SPAG17: variants seen among roughly 807,000 people sequenced by gnomAD.
SPAG17 encodes sperm-associated antigen 17.
In SPAG17, 169 loss-of-function variants were observed where a neutral mutation model predicts 273.6. The observed-to-expected ratio is 0.62, with a 90% CI of 0.55 to 0.70. SPAG17 has a LOEUF of 0.70. Ranked by LOEUF, SPAG17 falls within the 30% of genes least tolerant of loss-of-function variation. The pLI is 0.00. For synonymous variants in SPAG17, 825 were observed against 873.2 expected (o/e 0.94, Z 0.97); for missense variants, 2,557 against 2,627.8 (o/e 0.97, Z 0.59).
intron 21 of SPAG17, 39 bp downstream of exon 21, chr1:118,041,764 T>C: frequency 6.3e-7 from 1 of 1,581,428 alleles, no homozygotes; most frequent in Non-Finnish European, 8.5e-7. Context: ...CAATTAGGAA[T>C]AGCCCAAAGA....
At chr1:117,982,100 C>G (rs1469715080) in intron 42 of SPAG17, among the ~76,000 whole-genome samples, 1 of 152,168 alleles carries the variant, frequency 6.6e-6, no homozygotes. Flanking sequence ...TTCTCCCCAT[C>G]ACATTTATAA....
At chr1:118,119,966 T>G (rs1259871162) in intron 3 of SPAG17, among the ~76,000 whole-genome samples, 2 of 152,208 alleles carry the variant, frequency 1.3e-5, no homozygotes, top group Admixed American at 6.5e-5. Context: ...TAGCATAGTC[T>G]TCTATTGTGT....
In SPAG17 at chr1:118,005,457, T is replaced by G. The variant is rs2101737584; in HGVS notation, c.4733A>C (p.Glu1578Ala). Residue 1578 changes from glutamate (E) to alanine (A), a missense_variant, in exon 32 of 49, where the codon GAG becomes GCG. By Grantham distance (107) the Glu-to-Ala change is moderately radical (BLOSUM62 -1). Coordinates refer to ENST00000336338, the MANE Select transcript of SPAG17 (RefSeq NM_206996.4). ...AGGATCCAGAACCTCACAGATAACCTCTGAAGTATGCCTCATGATGTACCT... is the reference window on the plus strand; with the variant it reads ...AGGATCCAGAACCTCACAGATAACCGCTGAAGTATGCCTCATGATGTACCT... Reference protein sequence around the residue: ...AGRYIMRHTSEVICEVLDPEG... With the variant: ...AGRYIMRHTSAVICEVLDPEG... The G allele has an allele frequency of 6.2e-7, 1 of 1,613,398 alleles. No individual in the cohort carries two copies. Among genetic ancestry groups the G allele is most frequent in the South Asian group, 1.1e-5 (1 of 90,832 alleles).
In SPAG17 at chr1:117,983,904, G is replaced by C. The variant is rs1455614072; in HGVS notation, c.5779C>G (p.Leu1927Val). The change falls in exon 42 of 49, where the codon CTG becomes GTG. Residue 1927 changes from leucine to valine, a missense_variant. Leu to Val is a conservative substitution (Grantham distance 32). Coordinates refer to ENST00000336338, the MANE Select transcript of SPAG17 (RefSeq NM_206996.4). ...NQLYQSQYNH[L>V]DSLSKKLPSF... ...GGCAGTTTTTTGGAAAGACTGTCCA[G>C]GTGATTATACTGAAAGGAAAAAAAA... 2 of 1,604,794 alleles carry C rather than the reference G, an allele frequency of 1.2e-6. No individual in the cohort carries two copies. Among genetic ancestry groups the C allele is most frequent in the Non-Finnish European group, 1.7e-6 (2 of 1,173,296 alleles).
At chr1:118,123,547 T>C (rs972545269) in intron 3 of SPAG17, among the ~76,000 whole-genome samples, 2 of 152,218 alleles carry the variant, frequency 1.3e-5, no homozygotes, top group Non-Finnish European at 2.9e-5. Flanking sequence ...TGGAACGTTA[T>C]GAAAGTGCTC....
chr1:118,033,762 C>T (rs1418266975), intron 24 of SPAG17, among the ~76,000 whole-genome samples: 1 of 152,216 alleles, frequency 6.6e-6, no homozygotes, highest in East Asian at 1.9e-4. Context: ...TGTTTTGACA[C>T]AATTGTGTGT....
intron 28 of SPAG17, among the ~76,000 whole-genome samples, chr1:118,021,243 C>T (rs1470854264): frequency 6.6e-6 from 1 of 151,790 alleles, no homozygotes; most frequent in African/African-American, 2.4e-5. Flanking sequence ...GCTATCAAGC[C>T]ATAAAAAGAC....
chr1:118,150,654 T>C, intron 2 of SPAG17, 25 bp from the exon 3 acceptor site: 3 of 1,314,654 alleles, frequency 2.3e-6, no homozygotes, highest in Non-Finnish European at 2.2e-6. Flanking sequence ...AATTTACTTA[T>C]GATGAAAAAA....
At chr1:118,171,971 G>C (rs1660440145) in intron 1 of SPAG17, among the ~76,000 whole-genome samples, 1 of 152,136 alleles carries the variant, frequency 6.6e-6, no homozygotes, top group South Asian at 2.1e-4. Context: ...AATTAGCCTA[G>C]ATACCCTGGG....
intron 24 of SPAG17, among the ~76,000 whole-genome samples, chr1:118,035,111 C>A (rs919127909): frequency 6.6e-6 from 1 of 151,934 alleles, no homozygotes; most frequent in South Asian, 2.1e-4. Context: ...ATATATGAAT[C>A]CTTAGGAAAT....
chr1:117,957,165 C>A lies in SPAG17; in HGVS notation c.*1-3116G>T, dbSNP rs373284358. ...CATTCAGCTGGGCTCTGATGTTGAACTTATATGCCGGTGCCTCTTCTTCCT... is the reference window on the plus strand; with the variant it reads ...CATTCAGCTGGGCTCTGATGTTGAAATTATATGCCGGTGCCTCTTCTTCCT... On this transcript the variant is annotated intron_variant, in intron 48 of 48. Transcript: ENST00000336338. 6 of 1,612,164 alleles carry A rather than the reference C, an allele frequency of 3.7e-6. No homozygotes were observed. In the South Asian group the frequency reaches 6.6e-5, roughly 18 times the overall value.
intron 47 of SPAG17, chr1:117,964,922 T>A (rs1377768827): frequency 6.6e-6 from 1 of 152,176 alleles, no homozygotes; most frequent in East Asian, 1.9e-4. Flanking sequence ...TTGCCCTGTT[T>A]TGGATATTGC....
At chr1:118,037,714 T>G (rs922039076) in intron 23 of SPAG17, among the ~76,000 whole-genome samples, 1 of 152,206 alleles carries the variant, frequency 6.6e-6, no homozygotes, top group African/African-American at 2.4e-5. Context: ...CCGTAGTGTG[T>G]ATGTACCACA....
intron 1 of SPAG17, among the ~76,000 whole-genome samples, chr1:118,160,060 T>A (rs1428338829): frequency 6.6e-6 from 1 of 152,172 alleles, no homozygotes; most frequent in African/African-American, 2.4e-5. Context: ...AGAGACATTC[T>A]TCTAACAGAG....
At chr1:117,955,700 A>G (rs1440773865) in intron 48 of SPAG17, among the ~76,000 whole-genome samples, 1 of 152,032 alleles carries the variant, frequency 6.6e-6, no homozygotes, top group African/African-American at 2.4e-5. Flanking sequence ...AATATTATAT[A>G]AAGTTTTATA....
chr1:118,070,082 C>A (rs1653431500), intron 17 of SPAG17, among the ~76,000 whole-genome samples: 1 of 151,976 alleles, frequency 6.6e-6, no homozygotes. Context: ...CTCTCTAACG[C>A]CTCATTAAAA....
intron 19 of SPAG17, among the ~76,000 whole-genome samples, chr1:118,054,530 T>A (rs1651433260): frequency 6.6e-6 from 1 of 152,096 alleles, no homozygotes. Context: ...GAATGCAATA[T>A]CTATCAGGTG....
intron 7 of SPAG17, among the ~76,000 whole-genome samples, chr1:118,097,245 G>A (rs973397924): frequency 1.3e-5 from 2 of 151,192 alleles, no homozygotes; most frequent in Non-Finnish European, 2.9e-5. Context: ...AAAAAAGGGG[G>A]GAATAAAAGC....
chr1:118,008,341 G>A, intron 30 of SPAG17, 143 bp from the exon 31 acceptor site: 1 of 863,588 alleles, frequency 1.2e-6, no homozygotes, highest in Non-Finnish European at 1.8e-6. Flanking sequence ...AGCAAGTACT[G>A]AGAACTCCAC....
Sources: allele counts gnomAD v4.1 joint callset (sites outside exome capture counted in the v4.1 genomes callset), GRCh38; gene constraint gnomAD v4.1.1; transcripts MANE v1.5; gene names NCBI Gene and HGNC (gene_info 2026-07-23, HGNC 2026-07-21).